Variants in CAMK2D observed in about 807,000 individuals in gnomAD.
CAMK2D encodes calcium/calmodulin dependent protein kinase II delta.
CAMK2D carries 37 observed loss-of-function variants against 84.0 expected under a neutral mutation model. The ratio of observed to expected loss-of-function variants is 0.44; its 90% confidence interval spans 0.34 to 0.58. The LOEUF (loss-of-function observed/expected upper bound fraction) is 0.58. Among genes scored for constraint, CAMK2D ranks in the 20% least tolerant of loss-of-function variants. CAMK2D has a pLI of 0.02. For synonymous variants in CAMK2D, 202 were observed against 212.5 expected, an observed-to-expected ratio of 0.95 and a Z score of 0.43; for missense variants, 448 against 652.5, an observed-to-expected ratio of 0.69 and a Z score of 3.41.
At chr4:113,458,341 T>A (rs2097330080) in intron 18 of CAMK2D, among the ~76,000 whole-genome samples, 1 of 152,242 alleles carries the variant, frequency 6.6e-6, no homozygotes, top group South Asian at 2.1e-4. Flanking sequence ...TGCACATCAC[T>A]TATTGATGCT....
chr4:113,509,612 G>C, intron 13 of CAMK2D, 26 bp downstream of exon 13: 1 of 1,489,036 alleles, frequency 6.7e-7, no homozygotes, highest in Non-Finnish European at 9.4e-7. Flanking sequence ...AGTCAGAAAT[G>C]GATTAGGGGC....
chr4:113,686,753 G>A (rs983369257), intron 2 of CAMK2D, among the ~76,000 whole-genome samples: 2 of 152,042 alleles, frequency 1.3e-5, no homozygotes, highest in African/African-American at 2.4e-5. Flanking sequence ...TTCTCAACGA[G>A]AGCCATTCTC....
At chr4:113,454,842 A>G (rs1210344114) in intron 20 of CAMK2D, among the ~76,000 whole-genome samples, 16 of 152,220 alleles carry the variant, frequency 1.1e-4, no homozygotes, top group Non-Finnish European at 4.4e-5. Flanking sequence ...TGGACAAATT[A>G]GTAAATGAAT....
chr4:113,560,138 G>T (rs1211800918), intron 4 of CAMK2D, among the ~76,000 whole-genome samples: 1 of 152,146 alleles, frequency 6.6e-6, no homozygotes. Context: ...GCTACAGTCG[G>T]CTGAAAGCTA....
At chr4:113,554,894 A>G (rs1245319711) in intron 4 of CAMK2D, among the ~76,000 whole-genome samples, 5 of 152,166 alleles carry the variant, frequency 3.3e-5, no homozygotes, top group Non-Finnish European at 5.9e-5. Context: ...AAGGATATCA[A>G]TTATAAATTT....
intron 2 of CAMK2D, among the ~76,000 whole-genome samples, chr4:113,687,921 T>C (rs1377449052): frequency 6.6e-6 from 1 of 152,176 alleles, no homozygotes; most frequent in Non-Finnish European, 1.5e-5. Context: ...AAATGATACA[T>C]GAATTATAAC....
intron 4 of CAMK2D, among the ~76,000 whole-genome samples, chr4:113,569,340 A>G (rs1042335418): frequency 1.3e-5 from 2 of 152,164 alleles, no homozygotes; most frequent in Admixed American, 1.3e-4. Flanking sequence ...TTTCTCCTAC[A>G]TGTTCTTCTA....
intron 20 of CAMK2D, 78 bp from the exon 21 acceptor site, chr4:113,454,593 G>T: frequency 1.3e-6 from 1 of 761,640 alleles, no homozygotes; most frequent in South Asian, 1.4e-5. Context: ...CCATAGATTT[G>T]ACTAGGCTAC....
chr4:113,707,530 A>T (rs1297789157), intron 2 of CAMK2D, among the ~76,000 whole-genome samples: 2 of 152,204 alleles, frequency 1.3e-5, no homozygotes, highest in African/African-American at 2.4e-5. Context: ...AATCTTTTCT[A>T]GAATTATTTA....
At chr4:113,693,724 C>T (rs1236694234) in intron 2 of CAMK2D, among the ~76,000 whole-genome samples, 1 of 152,104 alleles carries the variant, frequency 6.6e-6, no homozygotes, top group South Asian at 2.1e-4. Context: ...TATCACCAAA[C>T]ACAAGTATAA....
chr4:113,611,361 T>C (rs918562756), intron 3 of CAMK2D, among the ~76,000 whole-genome samples: 4 of 152,314 alleles, frequency 2.6e-5, no homozygotes, highest in East Asian at 3.9e-4. Context: ...TGTATTCAAA[T>C]GAACTTAAAT....
intron 2 of CAMK2D, among the ~76,000 whole-genome samples, chr4:113,723,662 C>A (rs1177518171): frequency 6.6e-6 from 1 of 151,882 alleles, no homozygotes; most frequent in Non-Finnish European, 1.5e-5. Context: ...CAAAACTCTG[C>A]AAAAAATTAT....
At chr4:113,683,623 G>C (rs1165000241) in intron 2 of CAMK2D, among the ~76,000 whole-genome samples, 1 of 152,252 alleles carries the variant, frequency 6.6e-6, no homozygotes, top group South Asian at 2.1e-4. Flanking sequence ...TTTCTGGGTA[G>C]AAAAAGATGA....
chr4:113,639,311 A>C (rs1025585135), intron 3 of CAMK2D, among the ~76,000 whole-genome samples: 2 of 152,166 alleles, frequency 1.3e-5, no homozygotes, highest in African/African-American at 4.8e-5. Context: ...AGTGGATATG[A>C]ATAGGCAAGA....
chr4:113,522,556 T>C (rs2098375148), intron 8 of CAMK2D, among the ~76,000 whole-genome samples: 1 of 152,122 alleles, frequency 6.6e-6, no homozygotes, highest in Admixed American at 6.5e-5. Context: ...ATCTATGCCA[T>C]GTAGTAGGAG....
At chr4:113,565,341 G>C (rs1231498105) in intron 4 of CAMK2D, among the ~76,000 whole-genome samples, 2 of 152,096 alleles carry the variant, frequency 1.3e-5, no homozygotes, top group Admixed American at 1.3e-4. Context: ...GCTTAGAAGA[G>C]TTACTTTCAC....
intron 2 of CAMK2D, among the ~76,000 whole-genome samples, chr4:113,742,690 T>C (rs1168126586): frequency 6.6e-6 from 1 of 151,838 alleles, no homozygotes; most frequent in East Asian, 1.9e-4. Context: ...TTGGGAAAAC[T>C]TACCAAACCA....
At chr4:113,571,825 C>T (rs1445008291) in intron 4 of CAMK2D, among the ~76,000 whole-genome samples, 1 of 152,164 alleles carries the variant, frequency 6.6e-6, no homozygotes, top group Non-Finnish European at 1.5e-5. Flanking sequence ...AGTTATCTAT[C>T]TGTATTATAT....
chr4:113,596,227 G>T (rs2098925687), intron 4 of CAMK2D, among the ~76,000 whole-genome samples: 1 of 152,196 alleles, frequency 6.6e-6, no homozygotes, highest in Non-Finnish European at 1.5e-5. Flanking sequence ...CACATCTGCA[G>T]ATTACACTTC....
Sources: allele counts gnomAD v4.1 joint callset (sites outside exome capture counted in the v4.1 genomes callset), GRCh38; gene constraint gnomAD v4.1.1; transcripts MANE v1.5; gene names NCBI Gene and HGNC (gene_info 2026-07-23, HGNC 2026-07-21).